ZSCAN5A: variants seen among roughly 807,000 people sequenced by gnomAD.
The protein encoded by ZSCAN5A is zinc finger and SCAN domain-containing protein 5A.
Under a neutral mutation model 23.7 loss-of-function variants are expected in ZSCAN5A, and 12 were observed. The observed-to-expected ratio is 0.51, with a 90% CI of 0.32 to 0.82. The LOEUF (loss-of-function observed/expected upper bound fraction) is 0.82. ZSCAN5A is among the 40% of genes least tolerant of loss of function. The pLI, the probability that ZSCAN5A is intolerant of heterozygous loss-of-function variation, is 0.03. For missense variants in ZSCAN5A, 597 were observed against 617.9 expected, an observed-to-expected ratio of 0.97 and a Z score of 0.36; for synonymous variants, 257 against 239.9, an observed-to-expected ratio of 1.07 and a Z score of -0.66.
chr19:56,327,688 T>C (rs1024713482), intron 2 of ZSCAN5A, among the ~76,000 whole-genome samples: 1 of 151,544 alleles, frequency 6.6e-6, no homozygotes, highest in African/African-American at 2.4e-5. Context: ...TTATGTATTC[T>C]ATACAAATAC....
At chr19:56,248,702 G>A (rs748271409) in intron 2 of ZSCAN5A, among the ~76,000 whole-genome samples, 3 of 152,024 alleles carry the variant, frequency 2.0e-5, no homozygotes, top group East Asian at 3.9e-4. Context: ...AGAAGTGCTC[G>A]GAGTATACGT....
chr19:56,322,042 G>A (rs1208647884), intron 2 of ZSCAN5A: 5 of 774,660 alleles, frequency 6.5e-6, no homozygotes, highest in South Asian at 1.3e-5. Context: ...TAGTCCTCTG[G>A]TGACGGCATC....
upstream of ZSCAN5A, chr19:56,319,752 T>C: frequency 1.4e-6 from 1 of 735,424 alleles, no homozygotes; most frequent in East Asian, 2.5e-5. Flanking sequence ...ACAGATCTGC[T>C]CGGGCCAGTC....
intron 1 of ZSCAN5A, among the ~76,000 whole-genome samples, chr19:56,367,059 A>T (rs183296409): frequency 6.6e-6 from 1 of 152,364 alleles, no homozygotes; most frequent in African/African-American, 2.4e-5. Flanking sequence ...TCACATTTAT[A>T]GATCAAGAAT....
intron 2 of ZSCAN5A, among the ~76,000 whole-genome samples, chr19:56,349,328 C>T (rs1054501259): frequency 2.0e-5 from 3 of 152,154 alleles, no homozygotes; most frequent in Non-Finnish European, 2.9e-5. Context: ...ACATCACGAT[C>T]AAGCCAAAGC....
At position 56,257,246 on chromosome 19, in the gene ZSCAN5A, C is replaced by T. The variant is rs78880648; in HGVS notation, c.-127-32073G>A. Among the ~76,000 whole-genome samples the T allele has an allele frequency of 5.3e-5, 8 of 152,166 alleles. No homozygotes were observed. The East Asian group carries it at 9.7e-4, about 18-fold the overall frequency. Reference sequence around the variant, plus strand: ...TGGACAGAAGCAATGTGAATGGACACGAAAGGAGAGATTCGAGTGAGATTT... The same window carrying T: ...TGGACAGAAGCAATGTGAATGGACATGAAAGGAGAGATTCGAGTGAGATTT... On this transcript the variant is annotated intron_variant, in intron 2 of 5. Transcript: ENST00000683990.
intron 2 of ZSCAN5A, chr19:56,320,668 C>T: frequency 1.3e-6 from 1 of 771,796 alleles, no homozygotes; most frequent in Non-Finnish European, 2.4e-6. Context: ...AAATCATATC[C>T]ACGGTGGTGC....
chr19:56,222,216 G>A lies in ZSCAN5A; in HGVS notation c.850C>T (p.His284Tyr), dbSNP rs745819251. The change falls in exon 6 of 6, where the codon CAC (histidine) becomes TAC (tyrosine). Residue 284 changes from histidine to tyrosine, a missense_variant. This residue lies in a region of ZSCAN5A where 406 missense variants were observed against 353.2 expected (regional missense o/e 1.15). Coordinates refer to ENST00000683990, the MANE Select transcript of ZSCAN5A (RefSeq NM_001322064.3). Reference protein sequence around the residue: ...ACVVEREASTHSGNRGDALNL... With the variant: ...ACVVEREASTYSGNRGDALNL... ...AGAGCGTCTCCTCTGTTCCCGCTGT[G>A]AGTCGAAGCTTCTCTCTCCACAACG... is the stretch of plus-strand genomic sequence containing the variant. 3 of 1,613,918 alleles carry A rather than the reference G, an allele frequency of 1.9e-6. No individual in the cohort carries two copies. The highest frequency in any genetic ancestry group is 2.2e-5 in the East Asian group (1 of 44,868).
At chr19:56,269,608 G>T (rs1426818557) in intron 2 of ZSCAN5A, among the ~76,000 whole-genome samples, 1 of 152,236 alleles carries the variant, frequency 6.6e-6, no homozygotes. Flanking sequence ...ATGGGTAACA[G>T]AGGGAGACGG....
chr19:56,222,106 G>C lies in ZSCAN5A; in HGVS notation c.960C>G (p.Gly320=), dbSNP rs1419087095. The change falls in exon 6 of 6, where the codon GGC becomes GGG. Residue 320 remains glycine (G), a synonymous_variant. Transcript: ENST00000683990. ...CAGCTTGTCCCGGGGATTCTCTGTT[G>C]CCCACAGGTGTGGCTTCTCCTTGAG... ...EEPQGEATPV[G]NRESPGQAGM... is the part of the protein sequence containing the mutation. 1 of 1,613,964 alleles carries C rather than the reference G, an allele frequency of 6.2e-7. No homozygotes were observed. The highest frequency in any genetic ancestry group is 1.7e-5 in the Admixed American group (1 of 59,998).
At chr19:56,340,803 A>C (rs774640564) in intron 2 of ZSCAN5A, 1 of 152,234 alleles carries the variant, frequency 6.6e-6, no homozygotes, top group Admixed American at 6.5e-5. Context: ...AAAGAGAAGA[A>C]AGACTTTGTG....
chr19:56,256,001 A>C (rs2036667248), intron 2 of ZSCAN5A, among the ~76,000 whole-genome samples: 2 of 152,198 alleles, frequency 1.3e-5, no homozygotes, highest in Admixed American at 6.5e-5. Flanking sequence ...ACTTTTAATG[A>C]GATATTTGAA....
intron 2 of ZSCAN5A, among the ~76,000 whole-genome samples, chr19:56,236,509 GT>G: frequency 2.4e-5 from 1 of 41,412 alleles, no homozygotes; most frequent in Admixed American, 2.6e-4. Context: ...GGTGGGCCAA[GT>G]CTCCACTCCA....
At chr19:56,324,220 GA>G (rs1222234117) in intron 2 of ZSCAN5A, among the ~76,000 whole-genome samples, 5 of 152,114 alleles carry the variant, frequency 3.3e-5, no homozygotes, top group Non-Finnish European at 7.4e-5. Flanking sequence ...TGAGAAGATG[GA>G]ATATTTGTCC....
At chr19:56,259,711 C>T (rs1041646625) in intron 2 of ZSCAN5A, among the ~76,000 whole-genome samples, 1 of 152,354 alleles carries the variant, frequency 6.6e-6, no homozygotes, top group African/African-American at 2.4e-5. Flanking sequence ...CGGTGGCCCA[C>T]GCCTGTCATC....
chr19:56,317,811 A>G (rs527866311), upstream of ZSCAN5A: 31 of 152,512 alleles, frequency 2.0e-4, no homozygotes, highest in African/African-American at 7.0e-4. Context: ...GGCCTTGACT[A>G]TGGGAGTGTT....
chr19:56,274,111 AC>A (rs1379895236), intron 2 of ZSCAN5A, among the ~76,000 whole-genome samples: 1 of 152,172 alleles, frequency 6.6e-6, no homozygotes, highest in African/African-American at 2.4e-5. Flanking sequence ...CTTTATACAT[AC>A]ATGTATTTGC....
chr19:56,339,351 A>G (rs570413096), intron 2 of ZSCAN5A, among the ~76,000 whole-genome samples: 4 of 148,816 alleles, frequency 2.7e-5, no homozygotes, highest in African/African-American at 5.0e-5. Context: ...CGCATTTAGC[A>G]ATATGTGAAG....
At chr19:56,366,638 T>C (rs780622166) in intron 1 of ZSCAN5A, among the ~76,000 whole-genome samples, 7 of 152,154 alleles carry the variant, frequency 4.6e-5, no homozygotes, top group Non-Finnish European at 7.4e-5. Context: ...GGCTCTACTC[T>C]AACCAATCAA....
Sources: gnomAD v4.1 joint callset for allele counts (sites outside exome capture counted in the v4.1 genomes callset) on GRCh38, gnomAD v4.1.1 for gene constraint, gnomAD v4.1.1 regional missense constraint, MANE v1.5 for transcripts, NCBI Gene and HGNC (gene_info 2026-07-23, HGNC 2026-07-21) for gene names.